CDH12: variants seen among roughly 807,000 people sequenced by gnomAD.
The protein encoded by CDH12 is cadherin-12.
A neutral mutation model predicts 74.1 loss-of-function variants in CDH12; 41 were observed. The ratio of observed to expected loss-of-function variants is 0.55; its 90% CI spans 0.43 to 0.72. The LOEUF (loss-of-function observed/expected upper bound fraction) is 0.72. Among genes scored for constraint, CDH12 ranks in the 30% least tolerant of loss-of-function variants. The pLI is 0.00. For missense variants in CDH12, 945 were observed against 977.2 expected (o/e 0.97, Z 0.44); for synonymous variants, 399 against 355.0 (o/e 1.12, Z -1.39).
chr5:22,220,822 G>A (rs776783298), intron 3 of CDH12, among the ~76,000 whole-genome samples: 13 of 151,712 alleles, frequency 8.6e-5, no homozygotes, highest in Non-Finnish European at 1.2e-4. Flanking sequence ...AACAGAAATA[G>A]TGCAGTACCA....
chr5:22,761,325 A>T (rs978771846), intron 1 of CDH12, among the ~76,000 whole-genome samples: 1 of 152,194 alleles, frequency 6.6e-6, no homozygotes, highest in Admixed American at 6.5e-5. Flanking sequence ...AATTTCTTTT[A>T]AATCTTTATG....
At position 21,769,761 on chromosome 5, in the gene CDH12, G is replaced by A. The variant is rs139987495; in HGVS notation, c.1394-4662C>T. Reference sequence around the variant, plus strand: ...CTCATGCTATTCTTCGTAGTGCTACGTGGTTTCGTTAGGACTAAAGATAAG... The same window carrying A: ...CTCATGCTATTCTTCGTAGTGCTACATGGTTTCGTTAGGACTAAAGATAAG... On this transcript the variant is annotated intron_variant, in intron 11 of 14. Transcript: ENST00000382254. 4.7e-3 allele frequency among the ~76,000 whole-genome samples: 714 copies of A among 152,226 alleles called. 5 individuals are homozygous for A. The highest frequency in any genetic ancestry group is 0.016 in the African/African-American group (680 of 41,538).
intron 2 of CDH12, among the ~76,000 whole-genome samples, chr5:22,431,132 T>A (rs2126520452): frequency 6.6e-6 from 1 of 152,272 alleles, no homozygotes; most frequent in Non-Finnish European, 1.5e-5. Context: ...TCATCCAAGT[T>A]AAATGGGAAA....
intron 9 of CDH12, among the ~76,000 whole-genome samples, chr5:21,803,557 A>T (rs1747257536): frequency 6.6e-6 from 1 of 152,174 alleles, no homozygotes; most frequent in Non-Finnish European, 1.5e-5. Context: ...TATTAATTTT[A>T]TGTCCACAAT....
At chr5:21,891,249 G>A (rs7442940) in intron 6 of CDH12, among the ~76,000 whole-genome samples, 145,932 of 152,156 alleles carry the variant, frequency 0.96, 70,236 homozygotes, top group Non-Finnish European at 1. Context: ...ATACACTCCT[G>A]GAGTTTTGAT....
chr5:21,981,319 T>C (rs1757295452), intron 5 of CDH12, among the ~76,000 whole-genome samples: 1 of 152,142 alleles, frequency 6.6e-6, no homozygotes, highest in Admixed American at 6.6e-5. Flanking sequence ...TTCAAATTCA[T>C]AATAAAAGTA....
chr5:22,083,037 C>T (rs1360217139), intron 4 of CDH12, among the ~76,000 whole-genome samples: 3 of 152,038 alleles, frequency 2.0e-5, no homozygotes, highest in Admixed American at 6.6e-5. Context: ...ATGGTGATTG[C>T]TAGTGGCAAT....
chr5:22,591,130 C>G (rs938790490), intron 1 of CDH12, among the ~76,000 whole-genome samples: 1 of 152,142 alleles, frequency 6.6e-6, no homozygotes, highest in African/African-American at 2.4e-5. Context: ...TCCCCCTTAC[C>G]TAAATGCAGT....
chr5:22,321,937 T>G (rs1738902157), intron 3 of CDH12, among the ~76,000 whole-genome samples: 1 of 152,190 alleles, frequency 6.6e-6, no homozygotes, highest in South Asian at 2.1e-4. Context: ...GTGTCTCTAA[T>G]CTTGATAGAA....
At chr5:22,675,132 C>A (rs1369752580) in intron 1 of CDH12, among the ~76,000 whole-genome samples, 7 of 152,114 alleles carry the variant, frequency 4.6e-5, no homozygotes, top group African/African-American at 1.2e-4. Flanking sequence ...TTTGAGGAAG[C>A]CCTTCCCGTC....
chr5:22,812,458 G>A (rs957657756), intron 1 of CDH12, among the ~76,000 whole-genome samples: 1 of 152,154 alleles, frequency 6.6e-6, no homozygotes, highest in African/African-American at 2.4e-5. Context: ...AATTCTAGTT[G>A]GGATAGCAGA....
intron 3 of CDH12, among the ~76,000 whole-genome samples, chr5:22,380,017 C>T (rs964658281): frequency 1.3e-5 from 2 of 152,152 alleles, no homozygotes; most frequent in Non-Finnish European, 2.9e-5. Context: ...CCTTGGCCTC[C>T]CAAAGTACTA....
intron 3 of CDH12, among the ~76,000 whole-genome samples, chr5:22,400,501 C>T (rs560749309): frequency 6.6e-6 from 1 of 151,864 alleles, no homozygotes; most frequent in East Asian, 1.9e-4. Context: ...CACCACGTTG[C>T]CCAGGCTGAA....
At chr5:22,619,907 T>G (rs1373909494) in intron 1 of CDH12, among the ~76,000 whole-genome samples, 1 of 152,134 alleles carries the variant, frequency 6.6e-6, no homozygotes, top group Non-Finnish European at 1.5e-5. Context: ...TCAATTAAAA[T>G]TATTATTTTT....
chr5:22,802,199 G>T (rs1382478942), intron 1 of CDH12, among the ~76,000 whole-genome samples: 1 of 145,612 alleles, frequency 6.9e-6, no homozygotes, highest in Non-Finnish European at 1.5e-5. Context: ...CAGGCTCACT[G>T]CAAGCTCTGC....
intron 1 of CDH12, among the ~76,000 whole-genome samples, chr5:22,764,420 A>G (rs1746393900): frequency 6.6e-6 from 1 of 151,990 alleles, no homozygotes. Context: ...GAATGCTGAT[A>G]TAAATTCATA....
At chr5:22,090,521 CCT>C (rs1271750599) in intron 4 of CDH12, among the ~76,000 whole-genome samples, 1 of 150,878 alleles carries the variant, frequency 6.6e-6, no homozygotes, top group Non-Finnish European at 1.5e-5. Context: ...GGGAACATAC[CCT>C]GACTTATTCT....
chr5:21,949,150 T>G (rs748126390), intron 6 of CDH12, among the ~76,000 whole-genome samples: 50 of 152,296 alleles, frequency 3.3e-4, no homozygotes, highest in Non-Finnish European at 5.6e-4. Flanking sequence ...TTTTCGTGTA[T>G]TTACTATACC....
chr5:22,540,258 G>C (rs1345237926), intron 1 of CDH12, among the ~76,000 whole-genome samples: 1 of 152,000 alleles, frequency 6.6e-6, no homozygotes, highest in African/African-American at 2.4e-5. Context: ...AAGAGGATGA[G>C]TTTGTTGATT....
Sources: gnomAD v4.1 joint callset for allele counts (sites outside exome capture counted in the v4.1 genomes callset) on GRCh38, gnomAD v4.1.1 for gene constraint, MANE v1.5 for transcripts, NCBI Gene and HGNC (gene_info 2026-07-23, HGNC 2026-07-21) for gene names.